The following SLC9A3 variants were observed in gnomAD, a reference collection of about 807,000 sequenced individuals.
The protein encoded by SLC9A3 is sodium/hydrogen exchanger 3.
SLC9A3 carries 37 observed loss-of-function variants against 86.8 expected under a neutral mutation model. That is an observed-to-expected ratio of 0.43 (90% CI 0.33 to 0.56). SLC9A3 has a LOEUF of 0.56. SLC9A3 is among the 20% of genes least tolerant of loss of function. The pLI is 0.06. For synonymous variants in SLC9A3, 581 were observed against 528.3 expected, an observed-to-expected ratio of 1.10 and a Z score of -1.37; for missense variants, 1,011 against 1,171.9, an observed-to-expected ratio of 0.86 and a Z score of 2.00.
chr5:519,588 G>C (rs939432741), intron 1 of SLC9A3, among the ~76,000 whole-genome samples: 1 of 152,196 alleles, frequency 6.6e-6, no homozygotes, highest in South Asian at 2.1e-4. Context: ...CCTGGGACAC[G>C]CTGGGTAAGA....
Position 497,415 on chromosome 5 carries a change from C to T in SLC9A3, c.212-5344G>A, listed in dbSNP as rs953678192. ...GCTGGCGTCCACCCTCGAGCATTTG[C>T]GAATGTCAGGCTGACACCTGTGTCT... On this transcript the variant is annotated intron_variant, in intron 1 of 16. Transcript: ENST00000264938. This position sits in a 1 kb window ranked among gnomAD's most constrained non-coding sequence, Gnocchi z 5.4. 2.0e-5 allele frequency among the ~76,000 whole-genome samples: 3 copies of T among 152,138 alleles called. No individual in the cohort carries two copies. Among genetic ancestry groups the T allele is most frequent in the African/African-American group, 7.2e-5 (3 of 41,416 alleles).
rs368000761 is a variant in SLC9A3, at chr5:496,758, C to A, written c.212-4687G>T. Among the ~76,000 whole-genome samples, 5 of 152,090 alleles carry A rather than the reference C, an allele frequency of 3.3e-5. No individual in the cohort carries two copies. The highest frequency in any genetic ancestry group is 1.2e-4 in the African/African-American group (5 of 41,406). On this transcript the variant is annotated intron_variant, in intron 1 of 16. Coordinates refer to ENST00000264938, the MANE Select transcript of SLC9A3 (RefSeq NM_004174.4). The surrounding 1 kb of genome is among the most constrained non-coding windows in gnomAD (Gnocchi z 4.7). ...AATAAAGGCACTCAATTAAATTTTC[C>A]TTGAAGGCTGGACTTAGTGGTTCAC... is the stretch of plus-strand genomic sequence containing the variant.
chr5:490,325 G>A (rs940335688), intron 2 of SLC9A3, among the ~76,000 whole-genome samples: 2 of 102,220 alleles, frequency 2.0e-5, no homozygotes, highest in Admixed American at 9.0e-5. Context: ...GGGCAGGGGT[G>A]GAGTGCAGCG....
In SLC9A3 at chr5:494,696, G is replaced by C. The variant is rs567169898; in HGVS notation, c.212-2625C>G. On this transcript the variant is annotated intron_variant, in intron 1 of 16. Transcript: ENST00000264938. ...ACCAGGGTGGTCTGTGCCCGGTGCC[G>C]GCGCCTGCCCACCCGCAGGCTGACC... 5.9e-5 allele frequency among the ~76,000 whole-genome samples: 9 copies of C among 152,288 alleles called. No individual in the cohort carries two copies. In the East Asian group the frequency reaches 1.7e-3, roughly 29 times the overall value.
At chr5:490,905 C>G (rs551293047) in intron 2 of SLC9A3, among the ~76,000 whole-genome samples, 1 of 152,220 alleles carries the variant, frequency 6.6e-6, no homozygotes, top group East Asian at 1.9e-4. Context: ...CGCCAAGGAA[C>G]CACGTGCTGG....
chr5:503,611 G>A (rs1219787327), intron 1 of SLC9A3, among the ~76,000 whole-genome samples: 2 of 152,226 alleles, frequency 1.3e-5, no homozygotes, highest in East Asian at 1.9e-4. Context: ...GGTAAAAAAT[G>A]TCCCCAGTTT....
rs1475075782 is a variant in SLC9A3, at chr5:503,918, A to G, written c.212-11847T>C. Among the ~76,000 whole-genome samples, 3 of 152,170 alleles carry G rather than the reference A, an allele frequency of 2.0e-5. 1 individual carries two copies. The highest frequency in any genetic ancestry group is 2.9e-5 in the Non-Finnish European group (2 of 68,028). On this transcript the variant is annotated intron_variant, in intron 1 of 16. Coordinates refer to ENST00000264938, the MANE Select transcript of SLC9A3 (RefSeq NM_004174.4). The stretch of plus-strand genomic sequence containing the variant: ...CCTCTGGACAGAAGACTGGGCCCCC[A>G]GAGCTCTTGGGGGGTTCCCATCTTC...
chr5:488,605 G>T, intron 2 of SLC9A3, 129 bp from the exon 3 acceptor site: 2 of 941,278 alleles, frequency 2.1e-6, no homozygotes, highest in Non-Finnish European at 3.1e-6. Flanking sequence ...GTGGGGAGCT[G>T]GGTCAGCTTC....
At chr5:510,007 G>C (rs1032130156) in intron 1 of SLC9A3, among the ~76,000 whole-genome samples, 1 of 152,248 alleles carries the variant, frequency 6.6e-6, no homozygotes, top group Non-Finnish European at 1.5e-5. Flanking sequence ...GAGGCTTCGG[G>C]AGAAGAGGGG....
Position 491,226 on chromosome 5 carries a change from A to G in SLC9A3, c.514+543T>C, listed in dbSNP as rs1297498190. Reference sequence around the variant, plus strand: ...ATCCCCGGCAGCAGCGGCGGGCATCAGGGCTGCACCGCACCTGGCATGTTG... The same window carrying G: ...ATCCCCGGCAGCAGCGGCGGGCATCGGGGCTGCACCGCACCTGGCATGTTG... On this transcript the variant is annotated intron_variant, in intron 2 of 16. Coordinates refer to ENST00000264938, the MANE Select transcript of SLC9A3 (RefSeq NM_004174.4). The surrounding 1 kb of genome is among the most constrained non-coding windows in gnomAD (Gnocchi z 9.2). Among the ~76,000 whole-genome samples the G allele has an allele frequency of 1.3e-5, 2 of 152,136 alleles. No individual in the cohort carries two copies.
At position 473,288 on chromosome 5, in the gene SLC9A3, G is replaced by A. The variant is rs1304470301; in HGVS notation, c.*91C>T. On this transcript the variant is annotated 3_prime_UTR_variant, in exon 17 of 17. Transcript: ENST00000264938. The stretch of plus-strand genomic sequence containing the variant: ...CTCGCGGTCGCTGTAGCCGCGCGGG[G>A]ATCTGGGGTTTCTCTGGGACAGCGG... 7 of 1,293,646 alleles carry A rather than the reference G, an allele frequency of 5.4e-6. No homozygotes were observed. Among genetic ancestry groups the A allele is most frequent in the South Asian group, 1.9e-5 (1 of 51,484 alleles). The allele number at this position is 1,293,646 out of a possible 1,614,324, so 80.1% of individuals were successfully genotyped here.
At chr5:493,466 T>A (rs1739886433) in intron 1 of SLC9A3, among the ~76,000 whole-genome samples, 1 of 152,244 alleles carries the variant, frequency 6.6e-6, no homozygotes, top group South Asian at 2.1e-4. Flanking sequence ...CTGCCTGTTT[T>A]CTCCCTTGTA....
At chr5:482,394 G>A (rs1362078203) in intron 7 of SLC9A3, among the ~76,000 whole-genome samples, 154 bp downstream of exon 7, 1 of 152,140 alleles carries the variant, frequency 6.6e-6, no homozygotes, top group African/African-American at 2.4e-5. Flanking sequence ...CTCCCCAGTG[G>A]GGCCACGTGA....
chr5:488,602 G>T, intron 2 of SLC9A3, 126 bp from the exon 3 acceptor site: 1 of 942,782 alleles, frequency 1.1e-6, no homozygotes. Flanking sequence ...GGCGTGGGGA[G>T]CTGGGTCAGC....
At chr5:475,347 C>A in intron 15 of SLC9A3, 1 of 623,784 alleles carries the variant, frequency 1.6e-6, no homozygotes, top group South Asian at 2.0e-5. Context: ...TCAAGACATA[C>A]CCCACCTGCT....
intron 11 of SLC9A3, 109 bp downstream of exon 11, chr5:477,223 C>T (rs1010648104): frequency 1.4e-6 from 1 of 727,640 alleles, no homozygotes; most frequent in Non-Finnish European, 2.3e-6. Flanking sequence ...GCACCTCTCC[C>T]CTCTTCCATG....
At chr5:489,164 C>T (rs1057105892) in intron 2 of SLC9A3, among the ~76,000 whole-genome samples, 1 of 152,208 alleles carries the variant, frequency 6.6e-6, no homozygotes, top group Non-Finnish European at 1.5e-5. Context: ...TCCAGGGGAC[C>T]CTCAGGGAAC....
intron 1 of SLC9A3, among the ~76,000 whole-genome samples, chr5:505,877 G>T (rs974503739): frequency 6.6e-6 from 1 of 151,064 alleles, no homozygotes; most frequent in Admixed American, 6.6e-5. Context: ...CCACGGAGAT[G>T]AAATTAATGT....
intron 1 of SLC9A3, among the ~76,000 whole-genome samples, chr5:504,244 C>T (rs1156754477): frequency 2.6e-5 from 4 of 152,184 alleles, no homozygotes; most frequent in Admixed American, 6.5e-5. Context: ...TCCGGAACCC[C>T]CGGGAACCCA....
Sources: gnomAD v4.1 joint callset for allele counts (sites outside exome capture counted in the v4.1 genomes callset) on GRCh38, gnomAD v4.1.1 for gene constraint, Gnocchi (gnomAD v3.1) non-coding constraint, MANE v1.5 for transcripts, NCBI Gene and HGNC (gene_info 2026-07-23, HGNC 2026-07-21) for gene names.